Variants in TIAM1 observed in about 807,000 individuals in gnomAD.
TIAM1 encodes rho guanine nucleotide exchange factor TIAM1.
In TIAM1, 65 loss-of-function variants were observed where a neutral mutation model predicts 163.5. The observed-to-expected ratio is 0.40, with a 90% CI of 0.33 to 0.49. The LOEUF is 0.49. Ranked by LOEUF, TIAM1 falls within the 20% of genes least tolerant of loss-of-function variation. The pLI is 0.77. For missense variants in TIAM1, 1,789 were observed against 2,044.7 expected (o/e 0.87, Z 2.41); for synonymous variants, 833 against 810.1 (o/e 1.03, Z -0.48).
chr21:31,119,506 A>G lies in TIAM1; in HGVS notation c.*862T>C, dbSNP rs1000885493. The G allele has an allele frequency of 6.6e-6, 1 of 152,530 alleles. No homozygotes were observed. The highest frequency in any genetic ancestry group is 2.1e-4 in the South Asian group (1 of 4,828). 9.4% of individuals were successfully genotyped at this position (152,530 alleles called of 1,614,324 possible). ...AATCCGCTTTTTGGAAGAAAAGTAT[A>G]TCCTTCGCATGAGCTTGCTGGCCTT... On this transcript the variant is annotated 3_prime_UTR_variant, in exon 28 of 28. Transcript: ENST00000541036.
chr21:31,558,299 C>G (rs1267626534), intron 1 of TIAM1, among the ~76,000 whole-genome samples: 1 of 152,126 alleles, frequency 6.6e-6, no homozygotes, highest in East Asian at 2.0e-4. Flanking sequence ...TGTCTGCGCA[C>G]CCGCAGGATT....
chr21:31,263,756 G>A (rs2833354), intron 4 of TIAM1, among the ~76,000 whole-genome samples: 24,871 of 152,086 alleles, frequency 0.16, 2,481 homozygotes, highest in East Asian at 0.42. Flanking sequence ...CCAAGGTGAT[G>A]TTCTGTTTTT....
At chr21:31,338,236 C>A (rs1288597932) in intron 2 of TIAM1, among the ~76,000 whole-genome samples, 1 of 152,182 alleles carries the variant, frequency 6.6e-6, no homozygotes, top group Non-Finnish European at 1.5e-5. Context: ...CAAAGCAGGA[C>A]CCGGAATGCA....
At position 31,210,665 on chromosome 21, in the gene TIAM1, GA is replaced by G. The variant is rs377626164; in HGVS notation, c.2218-451del. On this transcript the variant is annotated intron_variant, in intron 10 of 27. Coordinates refer to ENST00000541036, the MANE Select transcript of TIAM1 (RefSeq NM_001353694.2). ...AGAAAGAAAGAAAGAAAGAAAGAAA[GA>G]AAAAGAAAGAAAGAAAGAAAAAGAA... Among the ~76,000 whole-genome samples, 5 of 18,656 alleles carry G rather than the reference GA, an allele frequency of 2.7e-4. 1 individual carries two copies. The highest frequency in any genetic ancestry group is 1.1e-3 in the African/African-American group (5 of 4,542). The allele number at this position is 18,656 out of a possible 152,430, so 12.2% of individuals were successfully genotyped here.
chr21:31,133,502 A>C (rs1046222627), intron 23 of TIAM1, among the ~76,000 whole-genome samples: 2 of 152,230 alleles, frequency 1.3e-5, no homozygotes, highest in African/African-American at 4.8e-5. Flanking sequence ...CCCAGGAGGC[A>C]GGGAACAGAG....
At chr21:31,225,337 T>C (rs2087889132) in intron 7 of TIAM1, among the ~76,000 whole-genome samples, 2 of 152,194 alleles carry the variant, frequency 1.3e-5, no homozygotes, top group Admixed American at 1.3e-4. Context: ...CTTTTCCAAA[T>C]TAAGAATTCA....
At chr21:31,327,666 AAGAAAAGAAAAC>A (rs2075538523) in intron 2 of TIAM1, among the ~76,000 whole-genome samples, 1 of 150,004 alleles carries the variant, frequency 6.7e-6, no homozygotes. Flanking sequence ...AAAAAAAGGA[AAGAAAAGAAAAC>A]AGAAAAGAAG....
chr21:31,129,165 C>A (rs774673301), intron 25 of TIAM1, among the ~76,000 whole-genome samples: 6 of 152,194 alleles, frequency 3.9e-5, no homozygotes, highest in Admixed American at 2.0e-4. Context: ...GATGCTCATT[C>A]CAGGATGTGC....
chr21:31,296,114 A>G (rs1457216213), intron 2 of TIAM1, among the ~76,000 whole-genome samples: 1 of 152,096 alleles, frequency 6.6e-6, no homozygotes, highest in East Asian at 1.9e-4. Context: ...CGAATTTTTA[A>G]CCTGGATTTG....
chr21:31,364,430 A>C (rs2076464919), intron 2 of TIAM1, among the ~76,000 whole-genome samples: 1 of 152,204 alleles, frequency 6.6e-6, no homozygotes, highest in East Asian at 1.9e-4. Flanking sequence ...CCTCACTTAC[A>C]CTCAAGCCTC....
At chr21:31,160,624 A>ACGC in intron 16 of TIAM1, 1 of 397,416 alleles carries the variant, frequency 2.5e-6, no homozygotes, top group Non-Finnish European at 4.4e-6. Context: ...AGAGCACCAA[A>ACGC]CGCCTCCTAG....
At chr21:31,129,488 G>C (rs1229044388) in intron 25 of TIAM1, among the ~76,000 whole-genome samples, 1 of 152,144 alleles carries the variant, frequency 6.6e-6, no homozygotes, top group Non-Finnish European at 1.5e-5. Context: ...AGCCTAGCCT[G>C]GGCAAAATAG....
chr21:31,508,659 G>A (rs905653651), intron 1 of TIAM1, among the ~76,000 whole-genome samples: 1 of 152,052 alleles, frequency 6.6e-6, no homozygotes, highest in Non-Finnish European at 1.5e-5. Context: ...CAAAGTGCTA[G>A]GATTACAGGC....
chr21:31,552,428 A>G (rs905511123), intron 1 of TIAM1, among the ~76,000 whole-genome samples: 2 of 152,184 alleles, frequency 1.3e-5, no homozygotes, highest in Non-Finnish European at 2.9e-5. Flanking sequence ...TTGATAGACA[A>G]AAACTGCGTC....
chr21:31,389,731 G>A (rs1453006015), intron 2 of TIAM1, among the ~76,000 whole-genome samples: 2 of 152,216 alleles, frequency 1.3e-5, no homozygotes, highest in African/African-American at 4.8e-5. Flanking sequence ...GAGAGAGAAA[G>A]ATTTTAACCA....
intron 2 of TIAM1, among the ~76,000 whole-genome samples, chr21:31,281,952 A>G (rs2073588537): frequency 6.6e-6 from 1 of 152,196 alleles, no homozygotes; most frequent in South Asian, 2.1e-4. Flanking sequence ...TCAGAAATTA[A>G]AGAAGTTTCA....
chr21:31,417,661 G>A (rs903254192), intron 2 of TIAM1, among the ~76,000 whole-genome samples: 1 of 152,164 alleles, frequency 6.6e-6, no homozygotes, highest in Non-Finnish European at 1.5e-5. Flanking sequence ...CAAGCAAAAA[G>A]CAAGCACTTG....
chr21:31,189,853 A>G (rs1246096256), intron 13 of TIAM1, among the ~76,000 whole-genome samples: 2 of 152,202 alleles, frequency 1.3e-5, no homozygotes, highest in African/African-American at 4.8e-5. Flanking sequence ...TGTGGAACTG[A>G]ATGAAGAACA....
chr21:31,301,588 C>A (rs1259423593), intron 2 of TIAM1, among the ~76,000 whole-genome samples: 1 of 152,050 alleles, frequency 6.6e-6, no homozygotes, highest in Non-Finnish European at 1.5e-5. Context: ...GCCTGTAATC[C>A]CAACACTTTG....
Sources: gnomAD v4.1 joint callset for allele counts (sites outside exome capture counted in the v4.1 genomes callset) on GRCh38, gnomAD v4.1.1 for gene constraint, MANE v1.5 for transcripts, NCBI Gene and HGNC (gene_info 2026-07-23, HGNC 2026-07-21) for gene names.